ROBO1: variants seen among roughly 807,000 people sequenced by gnomAD.
ROBO1 encodes the protein roundabout homolog 1.
In ROBO1, 149 loss-of-function variants were observed where a neutral mutation model predicts 195.9. The observed-to-expected ratio is 0.76, with a 90% confidence interval of 0.67 to 0.87. ROBO1 has a LOEUF of 0.87. Ranked by LOEUF, ROBO1 falls within the 40% of genes least tolerant of loss-of-function variation. The pLI is 0.00. For missense variants in ROBO1, 1,933 were observed against 2,068.3 expected (o/e 0.93, Z 1.27); for synonymous variants, 816 against 733.2 (o/e 1.11, Z -1.82).
At chr3:79,068,483 TTTA>T (rs1169504315) in intron 3 of ROBO1, among the ~76,000 whole-genome samples, 1 of 151,926 alleles carries the variant, frequency 6.6e-6, no homozygotes, top group African/African-American at 2.4e-5. Context: ...TCTTATATAC[TTTA>T]TTATTTCACT....
chr3:79,488,109 T>C (rs1939258171), intron 2 of ROBO1, among the ~76,000 whole-genome samples: 1 of 152,048 alleles, frequency 6.6e-6, no homozygotes, highest in Admixed American at 6.6e-5. Flanking sequence ...TCTTTTTAAC[T>C]GAAAGAAAAA....
chr3:79,096,968 C>A (rs868347450), intron 3 of ROBO1, among the ~76,000 whole-genome samples: 1 of 151,662 alleles, frequency 6.6e-6, no homozygotes, highest in African/African-American at 2.4e-5. Context: ...TCCCTTATTT[C>A]TTTTCAAAAT....
At chr3:79,675,847 AG>A (rs942292076) in intron 1 of ROBO1, among the ~76,000 whole-genome samples, 4 of 152,218 alleles carry the variant, frequency 2.6e-5, no homozygotes, top group Middle Eastern at 3.4e-3. Flanking sequence ...CAGTCTAAGA[AG>A]GTTTCTATCA....
chr3:78,718,338 A>T (rs1035004211), intron 5 of ROBO1, among the ~76,000 whole-genome samples: 1 of 152,182 alleles, frequency 6.6e-6, no homozygotes, highest in African/African-American at 2.4e-5. Context: ...TGAATTAATT[A>T]AAATGTCTCT....
intron 1 of ROBO1, among the ~76,000 whole-genome samples, chr3:79,739,761 T>C (rs1238048867): frequency 1.3e-5 from 2 of 152,170 alleles, no homozygotes; most frequent in Admixed American, 6.5e-5. Context: ...TGGAGATACC[T>C]TGTGGTCCAG....
chr3:79,595,882 C>G (rs145298873), intron 1 of ROBO1, among the ~76,000 whole-genome samples: 1 of 151,826 alleles, frequency 6.6e-6, no homozygotes, highest in Admixed American at 6.6e-5. Context: ...AGAGAATAAC[C>G]GTGGCTTGTA....
chr3:79,679,480 T>C (rs936898397), intron 1 of ROBO1, among the ~76,000 whole-genome samples: 6 of 152,078 alleles, frequency 3.9e-5, no homozygotes, highest in Non-Finnish European at 7.4e-5. Flanking sequence ...CTGTGAGAAG[T>C]ATTAAAGTTG....
chr3:79,128,737 A>T (rs1161430519), intron 2 of ROBO1, among the ~76,000 whole-genome samples: 1 of 152,184 alleles, frequency 6.6e-6, no homozygotes, highest in East Asian at 1.9e-4. Flanking sequence ...ACTCTTGTGA[A>T]TTTAGTGGCC....
At chr3:79,163,764 T>C (rs1380635411) in intron 2 of ROBO1, among the ~76,000 whole-genome samples, 1 of 152,118 alleles carries the variant, frequency 6.6e-6, no homozygotes, top group African/African-American at 2.4e-5. Flanking sequence ...AGGCTTTTAC[T>C]CATCTTGAAA....
chr3:79,000,693 G>A (rs755456147), intron 3 of ROBO1, among the ~76,000 whole-genome samples: 2 of 152,086 alleles, frequency 1.3e-5, no homozygotes, highest in African/African-American at 2.4e-5. Flanking sequence ...TTACTTCAAC[G>A]ATTGTGGAAG....
At chr3:79,760,254 A>AAAAAAAAAAAAAAAAAAAAAAAAAAAAG (rs1704620634) in intron 1 of ROBO1, among the ~76,000 whole-genome samples, 1 of 145,174 alleles carries the variant, frequency 6.9e-6, no homozygotes, top group Non-Finnish European at 1.5e-5. Context: ...AAAAAAAAAA[A>AAAAAAAAAAAAAAAAAAAAAAAAAAAAG]AAAAAAAAAA....
chr3:78,925,428 A>G (rs1366997273), intron 4 of ROBO1, among the ~76,000 whole-genome samples: 2 of 152,234 alleles, frequency 1.3e-5, no homozygotes, highest in East Asian at 3.9e-4. Context: ...CTAGAAAAAA[A>G]TTATTTGTTT....
At chr3:78,668,590 T>C (rs1707875910) in intron 11 of ROBO1, 25 bp from the exon 12 acceptor site, 7 of 1,610,086 alleles carry the variant, frequency 4.3e-6, no homozygotes, top group Non-Finnish European at 5.1e-6. Context: ...AAAAAATAAA[T>C]ATTTGGAAAA....
At chr3:79,573,096 C>G (rs1000149307) in intron 2 of ROBO1, among the ~76,000 whole-genome samples, 4 of 152,164 alleles carry the variant, frequency 2.6e-5, no homozygotes, top group African/African-American at 9.7e-5. Context: ...GCCATGCAAG[C>G]TGGAGTGCAG....
At chr3:79,200,030 GA>G (rs1266303872) in intron 2 of ROBO1, among the ~76,000 whole-genome samples, 1 of 151,680 alleles carries the variant, frequency 6.6e-6, no homozygotes, top group Non-Finnish European at 1.5e-5. Flanking sequence ...AAAAAATAAG[GA>G]GGACCATCAA....
chr3:78,912,979 T>G (rs2038337760), intron 4 of ROBO1, among the ~76,000 whole-genome samples: 1 of 152,126 alleles, frequency 6.6e-6, no homozygotes, highest in African/African-American at 2.4e-5. Flanking sequence ...TTGAATGCAC[T>G]CAACAGAAAT....
At chr3:79,119,928 G>C (rs560407349) in intron 3 of ROBO1, among the ~76,000 whole-genome samples, 2 of 152,008 alleles carry the variant, frequency 1.3e-5, no homozygotes, top group Non-Finnish European at 2.9e-5. Context: ...ATGCCACCAT[G>C]CCTGGCTAAG....
chr3:79,193,418 G>A (rs1210995322), intron 2 of ROBO1, among the ~76,000 whole-genome samples: 1 of 151,412 alleles, frequency 6.6e-6, no homozygotes, highest in Admixed American at 6.6e-5. Context: ...GTTAAAGGAG[G>A]GAAAGCTGAG....
chr3:79,612,335 C>T, intron 1 of ROBO1, among the ~76,000 whole-genome samples: 3 of 144,802 alleles, frequency 2.1e-5, no homozygotes, highest in African/African-American at 7.9e-5. Context: ...CAATTTCATC[C>T]ATGTCCCTAC....
Sources: allele counts gnomAD v4.1 joint callset (sites outside exome capture counted in the v4.1 genomes callset), GRCh38; gene constraint gnomAD v4.1.1; transcripts MANE v1.5; gene names NCBI Gene and HGNC (gene_info 2026-07-23, HGNC 2026-07-21).